The following DYRK2 variants were observed in gnomAD, a reference collection of about 807,000 sequenced individuals.
DYRK2 encodes dual specificity tyrosine-phosphorylation-regulated kinase 2.
DYRK2 carries 12 observed loss-of-function variants against 41.6 expected under a neutral mutation model. That is an observed-to-expected ratio of 0.29 (90% CI 0.18 to 0.47). DYRK2 has a LOEUF of 0.47. Among genes scored for constraint, DYRK2 ranks in the 20% least tolerant of loss-of-function variants. The pLI is 1.00. For missense variants in DYRK2, 678 were observed against 798.4 expected, an observed-to-expected ratio of 0.85 and a Z score of 1.82; for synonymous variants, 322 against 315.7, an observed-to-expected ratio of 1.02 and a Z score of -0.21.
Position 67,661,643 on chromosome 12 carries a change from A to G in DYRK2, c.*2930A>G. 6.0e-6 allele frequency: 1 copy of G among 167,182 alleles called. No individual in the cohort carries two copies. The allele number at this position is 167,182 out of a possible 1,614,324, so 10.4% of individuals were successfully genotyped here. ...CTGCAAAGATACATCTGTCTTAAATATCTAGTTACAGGCCTTAATAGAAAC... is the reference window on the plus strand; with the variant it reads ...CTGCAAAGATACATCTGTCTTAAATGTCTAGTTACAGGCCTTAATAGAAAC... On this transcript the variant is annotated 3_prime_UTR_variant, in exon 3 of 3. Transcript: ENST00000344096.
Position 67,663,366 on chromosome 12 carries a change from A to T in DYRK2, c.*4653A>T, listed in dbSNP as rs1244453472. ...CATTGCAGGGATATTGTGTAGTCAG[A>T]TATTACCCTCTTGTGGAAAGAACTA... is the stretch of plus-strand genomic sequence containing the variant. On this transcript the variant is annotated 3_prime_UTR_variant, in exon 3 of 3. Transcript: ENST00000344096. The T allele has an allele frequency of 6.6e-6, 1 of 152,112 alleles. No individual in the cohort carries two copies. The highest frequency in any genetic ancestry group is 1.5e-5 in the Non-Finnish European group (1 of 67,994). 9.4% of individuals were successfully genotyped at this position (152,112 alleles called of 1,614,324 possible). A position where few individuals can be genotyped will look rare whatever the true frequency, so the allele number is the denominator to read the frequency against.
chr12:67,649,796 G>C lies in DYRK2; in HGVS notation c.50-1G>C. 7.6e-7 allele frequency: 1 copy of C among 1,314,998 alleles called. No homozygotes were observed. Among genetic ancestry groups the C allele is most frequent in the Non-Finnish European group, 9.8e-7 (1 of 1,025,002 alleles). The allele number at this position is 1,314,998 out of a possible 1,614,324, so 81.5% of individuals were successfully genotyped here. A position where few individuals can be genotyped will look rare whatever the true frequency, so the allele number is the denominator to read the frequency against. Reference sequence around the variant, plus strand: ...TGTCTCCTCCCGCACGTGGCTTCCAGGCCGAGGTGGGGACAGCGCCGTTCG... The same window carrying C: ...TGTCTCCTCCCGCACGTGGCTTCCACGCCGAGGTGGGGACAGCGCCGTTCG... On this transcript the variant is annotated splice_acceptor_variant, in intron 1 of 2. Transcript: ENST00000344096. LOFTEE classifies it high-confidence loss of function.
chr12:67,657,644 A>G lies in DYRK2; in HGVS notation c.737A>G (p.Gln246Arg). 2 of 1,613,978 alleles carry G rather than the reference A, an allele frequency of 1.2e-6. No homozygotes were observed. The highest frequency in any genetic ancestry group is 1.7e-6 in the Non-Finnish European group (2 of 1,180,012). ...AAGGCCTACGATCACAAAGTCCACC[A>G]GCACGTGGCCCTAAAGATGGTGCGG... ...VVKAYDHKVHQHVALKMVRNE... is the reference protein window; with the variant it reads ...VVKAYDHKVHRHVALKMVRNE... The change falls in exon 3 of 3, where the codon CAG (glutamine) becomes CGG (arginine). Residue 246 changes from glutamine to arginine, a missense_variant. By Grantham distance (43) the Gln-to-Arg change is conservative (BLOSUM62 1). Transcript: ENST00000344096. This position sits in a 1 kb window ranked among gnomAD's most constrained non-coding sequence, Gnocchi z 4.8.
In DYRK2 at chr12:67,663,867, A is replaced by G. The variant is rs1397883255; in HGVS notation, c.*5154A>G. The G allele has an allele frequency of 1.3e-5, 2 of 152,190 alleles. No homozygotes were observed. Among genetic ancestry groups the G allele is most frequent in the Admixed American group, 1.3e-4 (2 of 15,278 alleles). The allele number at this position is 152,190 out of a possible 1,614,324, so 9.4% of individuals were successfully genotyped here. On this transcript the variant is annotated 3_prime_UTR_variant, in exon 3 of 3. Coordinates refer to ENST00000344096, the MANE Select transcript of DYRK2 (RefSeq NM_006482.3). ...GGAATGAACAGCTACACAAATAAAT[A>G]TTCTTGGAACTTCGAAGTTGTCTTC... is the stretch of plus-strand genomic sequence containing the variant.
rs973505415 is a variant in DYRK2, at chr12:67,665,129, A to G, written c.*6416A>G. 1.3e-5 allele frequency: 2 copies of G among 152,186 alleles called. No individual in the cohort carries two copies. Among genetic ancestry groups the G allele is most frequent in the Admixed American group, 1.3e-4 (2 of 15,284 alleles). 9.4% of individuals were successfully genotyped at this position (152,186 alleles called of 1,614,324 possible). A position where few individuals can be genotyped will look rare whatever the true frequency, so the allele number is the denominator to read the frequency against. ...AAAATTTCAAATACAATTTTAAAAT[A>G]CCAATTTGTAAATAAACCAATTTTA... On this transcript the variant is annotated 3_prime_UTR_variant, in exon 3 of 3. Coordinates refer to ENST00000344096, the MANE Select transcript of DYRK2 (RefSeq NM_006482.3).
intron 2 of DYRK2, among the ~76,000 whole-genome samples, chr12:67,653,476 T>C (rs1001375983): frequency 6.6e-6 from 1 of 152,336 alleles, no homozygotes; most frequent in South Asian, 2.1e-4. Context: ...CATGTGTTGC[T>C]TTTAGGTGTT....
At position 67,657,332 on chromosome 12, in the gene DYRK2, C is replaced by G. The variant is rs753092948; in HGVS notation, c.425C>G (p.Ser142Cys). 6.2e-7 allele frequency: 1 copy of G among 1,613,930 alleles called. No homozygotes were observed. Among genetic ancestry groups the G allele is most frequent in the Non-Finnish European group, 8.5e-7 (1 of 1,179,966 alleles). The part of the protein sequence containing the change: ...RRQGSSTSLK[S>C]MEGMGKVKAT... Reference sequence around the variant, plus strand: ...CAGGGGAGCTCCACCTCTCTAAAGTCCATGGAAGGCATGGGGAAGGTGAAA... The same window carrying G: ...CAGGGGAGCTCCACCTCTCTAAAGTGCATGGAAGGCATGGGGAAGGTGAAA... The change falls in exon 3 of 3, where the codon TCC becomes TGC. Residue 142 changes from serine to cysteine, a missense_variant. Ser to Cys is a moderately radical substitution (Grantham distance 112). Around this residue, in one of 2 missense-constraint regions of DYRK2, gnomAD observed 285 missense variants for 279.2 expected, o/e 1.02. Transcript: ENST00000344096. The surrounding 1 kb of genome is among the most constrained non-coding windows in gnomAD (Gnocchi z 4.8).
rs961561536 is a variant in DYRK2 at position 67,657,019 on chromosome 12, G to A, written c.199-87G>A. 15 of 1,342,094 alleles carry A rather than the reference G, an allele frequency of 1.1e-5. No individual in the cohort carries two copies. In the South Asian group the frequency reaches 2.5e-4, roughly 22 times the overall value. The allele number at this position is 1,342,094 out of a possible 1,614,324, so 83.1% of individuals were successfully genotyped here. ...ATGGGATTTTGTAAATGTGAGGTTG[G>A]GGGCGGTGGTGTTGTTGGGGGTTAC... On this transcript the variant is annotated intron_variant, in intron 2 of 2. Coordinates refer to ENST00000344096, the MANE Select transcript of DYRK2 (RefSeq NM_006482.3). This position sits in a 1 kb window ranked among gnomAD's most constrained non-coding sequence, Gnocchi z 4.8.
At position 67,657,751 on chromosome 12, in the gene DYRK2, A is replaced by G. The variant is rs1484253683; in HGVS notation, c.844A>G (p.Met282Val). ...GCGGAAGCAGGACAAGGATAACACA[A>G]TGAATGTCATCCATATGCTGGAGAA... ...HLRKQDKDNTMNVIHMLENFT... is the reference protein window; with the variant it reads ...HLRKQDKDNTVNVIHMLENFT... Residue 282 changes from methionine to valine, a missense_variant, in exon 3 of 3, where the codon ATG becomes GTG. By Grantham distance (21) the Met-to-Val change is conservative (BLOSUM62 1). Around this residue, in one of 2 missense-constraint regions of DYRK2, gnomAD observed 393 missense variants for 519.1 expected, o/e 0.76. Transcript: ENST00000344096. This position sits in a 1 kb window ranked among gnomAD's most constrained non-coding sequence, Gnocchi z 4.8. The G allele has an allele frequency of 3.1e-6, 5 of 1,614,240 alleles. No homozygotes were observed. In the South Asian group the frequency reaches 4.4e-5, roughly 14 times the overall value.
In DYRK2 at chr12:67,660,889, A is replaced by G. The variant is rs1592715934; in HGVS notation, c.*2176A>G. 1 of 166,894 alleles carries G rather than the reference A, an allele frequency of 6.0e-6. No individual in the cohort carries two copies. The highest frequency in any genetic ancestry group is 2.4e-5 in the African/African-American group (1 of 41,436). The allele number at this position is 166,894 out of a possible 1,614,324, so 10.3% of individuals were successfully genotyped here. Reference sequence around the variant, plus strand: ...CAGTTATCTTCACATTTACATTTAAATATACAAACCTGAGCCTGCCATTAT... The same window carrying G: ...CAGTTATCTTCACATTTACATTTAAGTATACAAACCTGAGCCTGCCATTAT... On this transcript the variant is annotated 3_prime_UTR_variant, in exon 3 of 3. Transcript: ENST00000344096.
In DYRK2 at chr12:67,657,790, A is replaced by C. The variant is rs760064592; in HGVS notation, c.883A>C (p.Asn295His). 6.2e-7 allele frequency: 1 copy of C among 1,614,248 alleles called. No homozygotes were observed. The highest frequency in any genetic ancestry group is 8.5e-7 in the Non-Finnish European group (1 of 1,180,046). The change falls in exon 3 of 3, where the codon AAC becomes CAC. Residue 295 changes from asparagine to histidine, a missense_variant. Coordinates refer to ENST00000344096, the MANE Select transcript of DYRK2 (RefSeq NM_006482.3). This position sits in a 1 kb window ranked among gnomAD's most constrained non-coding sequence, Gnocchi z 4.8. The stretch of plus-strand genomic sequence containing the variant: ...TATGCTGGAGAATTTCACCTTCCGC[A>C]ACCACATCTGCATGACGTTTGAGCT... ...IHMLENFTFRNHICMTFELLS... is the reference protein window; with the variant it reads ...IHMLENFTFRHHICMTFELLS...
intron 2 of DYRK2, among the ~76,000 whole-genome samples, chr12:67,653,467 A>G (rs1872381433): frequency 6.6e-6 from 1 of 152,052 alleles, no homozygotes; most frequent in Non-Finnish European, 1.5e-5. Context: ...TTAAGATTGC[A>G]TGTGTTGCTT....
intron 2 of DYRK2, among the ~76,000 whole-genome samples, chr12:67,650,254 A>G (rs1872279925): frequency 6.6e-6 from 1 of 152,078 alleles, no homozygotes; most frequent in Non-Finnish European, 1.5e-5. Flanking sequence ...TCGTCCTTGC[A>G]TCCCAGAGTT....
chr12:67,657,089 TC>T lies in DYRK2; in HGVS notation c.199-15del. The T allele has an allele frequency of 1.3e-6, 2 of 1,533,548 alleles. No homozygotes were observed. Among genetic ancestry groups the T allele is most frequent in the Non-Finnish European group, 1.8e-6 (2 of 1,139,900 alleles). The allele number at this position is 1,533,548 out of a possible 1,614,324, so 95.0% of individuals were successfully genotyped here. On this transcript the variant is annotated splice_polypyrimidine_tract_variant and intron_variant, in intron 2 of 2. Coordinates refer to ENST00000344096, the MANE Select transcript of DYRK2 (RefSeq NM_006482.3). The surrounding 1 kb of genome is among the most constrained non-coding windows in gnomAD (Gnocchi z 4.8). ...ACACCACTTCTTTTCTATTTATATTTCCTGTCTGAATTCCAGATTGGCGGCA... is the reference window on the plus strand; with the variant it reads ...ACACCACTTCTTTTCTATTTATATTTCTGTCTGAATTCCAGATTGGCGGCA...
At position 67,662,444 on chromosome 12, in the gene DYRK2, G is replaced by A. The variant is rs1156288143; in HGVS notation, c.*3731G>A. On this transcript the variant is annotated 3_prime_UTR_variant, in exon 3 of 3. Transcript: ENST00000344096. ...TGAAAATATGTGAAAATGGTTGAAT[G>A]TGGACTGTGTATATATGTATGTAAA... 1 of 166,764 alleles carries A rather than the reference G, an allele frequency of 6.0e-6. No homozygotes were observed. Among genetic ancestry groups the A allele is most frequent in the African/African-American group, 2.4e-5 (1 of 41,410 alleles). 10.3% of individuals were successfully genotyped at this position (166,764 alleles called of 1,614,324 possible). A position where few individuals can be genotyped will look rare whatever the true frequency, so the allele number is the denominator to read the frequency against.
chr12:67,660,388 CTTTAA>C lies in DYRK2; in HGVS notation c.*1680_*1684del, dbSNP rs142408660. The C allele has an allele frequency of 4.2e-5, 7 of 166,474 alleles. No individual in the cohort carries two copies. The East Asian group carries it at 1.4e-3, about 32-fold the overall frequency. The allele number at this position is 166,474 out of a possible 1,614,324, so 10.3% of individuals were successfully genotyped here. On this transcript the variant is annotated 3_prime_UTR_variant, in exon 3 of 3. Coordinates refer to ENST00000344096, the MANE Select transcript of DYRK2 (RefSeq NM_006482.3). ...AAAAAAAAAAGGTTTGAAAAAAACA[CTTTAA>C]TTTAGGCTTCGTTGGTTGATGGTGG...
rs1405402952 is a variant in DYRK2 at position 67,663,837 on chromosome 12, C to G, written c.*5124C>G. The G allele has an allele frequency of 6.6e-6, 1 of 152,128 alleles. No homozygotes were observed. The highest frequency in any genetic ancestry group is 1.5e-5 in the Non-Finnish European group (1 of 68,016). The allele number at this position is 152,128 out of a possible 1,614,324, so 9.4% of individuals were successfully genotyped here. A position where few individuals can be genotyped will look rare whatever the true frequency, so the allele number is the denominator to read the frequency against. On this transcript the variant is annotated 3_prime_UTR_variant, in exon 3 of 3. Transcript: ENST00000344096. ...TGTTTGAGTCTCTACAGTCCTATCC[C>G]TTTTGGAATGAACAGCTACACAAAT...
chr12:67,649,595 A>T, intron 1 of DYRK2: 1 of 583,112 alleles, frequency 1.7e-6, no homozygotes, highest in Non-Finnish European at 2.5e-6. Context: ...CCAGGGCCCC[A>T]CTTAACTTTG....
Position 67,657,530 on chromosome 12 carries a change from G to T in DYRK2, c.623G>T (p.Gly208Val). The part of the protein sequence containing the change: ...PNNGGYDDDQ[G>V]SYVQVPHDHV... ...AATGGTGGCTATGATGATGACCAGG[G>T]ATCATATGTGCAGGTGCCCCACGAT... The change falls in exon 3 of 3, where the codon GGA becomes GTA. Residue 208 changes from glycine (G) to valine (V), a missense_variant. This residue lies in a region of DYRK2 where 393 missense variants were observed against 519.1 expected (regional missense o/e 0.76). Transcript: ENST00000344096. The surrounding 1 kb of genome is among the most constrained non-coding windows in gnomAD (Gnocchi z 4.8). 6.2e-7 allele frequency: 1 copy of T among 1,614,092 alleles called. No individual in the cohort carries two copies. The highest frequency in any genetic ancestry group is 8.5e-7 in the Non-Finnish European group (1 of 1,179,990).
Sources: gnomAD v4.1 joint callset for allele counts (sites outside exome capture counted in the v4.1 genomes callset) on GRCh38, gnomAD v4.1.1 for gene constraint, gnomAD v4.1.1 regional missense constraint, Gnocchi (gnomAD v3.1) non-coding constraint, MANE v1.5 for transcripts, NCBI Gene and HGNC (gene_info 2026-07-23, HGNC 2026-07-21) for gene names.